Variants in TMCO6 observed in about 807,000 individuals in gnomAD.
TMCO6 encodes the protein transmembrane and coiled-coil domains 6.
TMCO6 carries 47 observed loss-of-function variants against 61.8 expected under a neutral mutation model. That is an observed-to-expected ratio of 0.76 (90% CI 0.60 to 0.97). The LOEUF is 0.97. TMCO6 is among the 50% of genes least tolerant of loss of function. The pLI, the probability that TMCO6 is intolerant of heterozygous loss-of-function variation, is 0.00. For synonymous variants in TMCO6, 261 were observed against 254.2 expected, an observed-to-expected ratio of 1.03 and a Z score of -0.25; for missense variants, 557 against 601.6, an observed-to-expected ratio of 0.93 and a Z score of 0.78.
chr5:140,627,486 T>G, the TMCO6 span, among the ~76,000 whole-genome samples: 1 of 152,344 alleles, frequency 6.6e-6, no homozygotes, highest in East Asian at 1.9e-4. Context: ...TTGAAGACAT[T>G]TTTATTTTAC....
the TMCO6 span, among the ~76,000 whole-genome samples, chr5:140,621,582 G>C: frequency 1.1e-3 from 164 of 152,206 alleles, 1 homozygote; most frequent in African/African-American, 3.9e-3. Context: ...ATGAAATCCG[G>C]GCACCTTGAA....
At chr5:140,601,913 A>G in the TMCO6 span, among the ~76,000 whole-genome samples, 6 of 152,226 alleles carry the variant, frequency 3.9e-5, no homozygotes, top group Non-Finnish European at 7.3e-5. Context: ...ATATTCATGA[A>G]TATTTTTAAG....
At position 140,639,494 on chromosome 5, in the gene TMCO6, CTG is replaced by C. The variant is rs1221659100; in HGVS notation, c.-32_-31del. Reference sequence around the variant, plus strand: ...TACGCCCCTGGGAGCGTTGTGGCTGCTGTTTCCTTCGGCTTTCCTCCTCCTGC... The same window carrying C: ...TACGCCCCTGGGAGCGTTGTGGCTGCTTTCCTTCGGCTTTCCTCCTCCTGC... On this transcript the variant is annotated 5_prime_UTR_variant, in exon 1 of 12. Transcript: ENST00000394671. The C allele has an allele frequency of 6.5e-7, 1 of 1,544,132 alleles. No individual in the cohort carries two copies. The highest frequency in any genetic ancestry group is 8.8e-7 in the Non-Finnish European group (1 of 1,142,206).
the TMCO6 span, chr5:140,632,525 C>T: frequency 6.2e-7 from 1 of 1,614,186 alleles, no homozygotes; most frequent in Non-Finnish European, 8.5e-7. This position sits in a 1 kb window ranked among gnomAD's most constrained non-coding sequence, Gnocchi z 6.2. Flanking sequence ...CTGTCGCCCA[C>T]GACACGTTGC....
the TMCO6 span, among the ~76,000 whole-genome samples, chr5:140,612,008 GT>G: frequency 1.3e-5 from 2 of 152,020 alleles, no homozygotes; most frequent in Admixed American, 6.6e-5. Flanking sequence ...GAGAGAGCAA[GT>G]TTTTTTTGAG....
At chr5:140,617,052 GAAA>G in the TMCO6 span, among the ~76,000 whole-genome samples, 3 of 135,466 alleles carry the variant, frequency 2.2e-5, no homozygotes, top group Non-Finnish European at 4.9e-5. Flanking sequence ...GGCAAAAAAA[GAAA>G]AAAAAAAAAG....
At chr5:140,644,526 A>T in intron 10 of TMCO6, 47 bp from the exon 11 acceptor site, 3 of 1,597,118 alleles carry the variant, frequency 1.9e-6, no homozygotes, top group Non-Finnish European at 2.6e-6. Flanking sequence ...TATTGTTATG[A>T]TCTTTGTGTT....
chr5:140,620,708 T>C, the TMCO6 span, among the ~76,000 whole-genome samples: 1 of 152,132 alleles, frequency 6.6e-6, no homozygotes, highest in African/African-American at 2.4e-5. Flanking sequence ...AAAGTCTTAA[T>C]GGGTGTATGT....
the TMCO6 span, among the ~76,000 whole-genome samples, chr5:140,610,691 C>A: frequency 6.6e-6 from 1 of 152,130 alleles, no homozygotes; most frequent in Admixed American, 6.6e-5. Flanking sequence ...CATTTTACTT[C>A]CTGCTTTTCA....
the TMCO6 span, among the ~76,000 whole-genome samples, chr5:140,625,792 T>C: frequency 0.28 from 42,668 of 152,066 alleles, 6,184 homozygotes; most frequent in African/African-American, 0.3. Flanking sequence ...GACCAGAACA[T>C]TCCAGGCAGA....
chr5:140,617,562 TAAATAC>T, the TMCO6 span, among the ~76,000 whole-genome samples: 4,247 of 150,580 alleles, frequency 0.028, 176 homozygotes, highest in African/African-American at 0.093. Flanking sequence ...AAAAACAAAA[TAAATAC>T]AAATACAAAT....
At chr5:140,642,257 C>T in intron 4 of TMCO6, 58 bp from the exon 5 acceptor site, 2 of 1,505,388 alleles carry the variant, frequency 1.3e-6, no homozygotes, top group Non-Finnish European at 1.8e-6. Flanking sequence ...CCCCATCTCC[C>T]CACACGCAGC....
At chr5:140,596,641 G>T in the TMCO6 span, among the ~76,000 whole-genome samples, 1 of 152,294 alleles carries the variant, frequency 6.6e-6, no homozygotes, top group East Asian at 1.9e-4. Context: ...GATAAGGAGC[G>T]ACTGGCTGGA....
chr5:140,639,795 G>T lies in TMCO6; in HGVS notation c.142G>T (p.Asp48Tyr). ...QLVSKRLLRN[D>Y]APEEAGEGCV... ...GGTCAGCAAGAGGCTGCTGAGAAAC[G>T]ACGCCCCAGAGGAAGCTGGAGAGGG... The change falls in exon 2 of 12, where the codon GAC (aspartate) becomes TAC (tyrosine). Residue 48 changes from aspartate (D) to tyrosine (Y), a missense_variant. By Grantham distance (160) the Asp-to-Tyr change is radical (BLOSUM62 -3). Coordinates refer to ENST00000394671, the MANE Select transcript of TMCO6 (RefSeq NM_018502.5). The T allele has an allele frequency of 1.2e-6, 2 of 1,609,826 alleles. No individual in the cohort carries two copies. The highest frequency in any genetic ancestry group is 2.2e-5 in the South Asian group (2 of 89,806).
the TMCO6 span, among the ~76,000 whole-genome samples, chr5:140,621,161 A>G: frequency 5.9e-5 from 9 of 152,126 alleles, no homozygotes; most frequent in African/African-American, 1.4e-4. Context: ...CAATTTCTTC[A>G]CTTGGCTTCC....
chr5:140,612,681 C>G, the TMCO6 span, among the ~76,000 whole-genome samples: 1 of 152,196 alleles, frequency 6.6e-6, no homozygotes, highest in East Asian at 1.9e-4. Flanking sequence ...GCCCTGCACC[C>G]CGACCTCCGA....
chr5:140,613,681 T>A, the TMCO6 span, among the ~76,000 whole-genome samples: 77,046 of 151,874 alleles, frequency 0.51, 19,852 homozygotes, highest in Non-Finnish European at 0.52. Flanking sequence ...ACTGTTTCTA[T>A]CTTCATACAA....
chr5:140,632,561 T>A, the TMCO6 span: 9 of 1,614,100 alleles, frequency 5.6e-6, no homozygotes, highest in Non-Finnish European at 6.8e-6. This position sits in a 1 kb window ranked among gnomAD's most constrained non-coding sequence, Gnocchi z 6.2. Flanking sequence ...AAAGTGCAAG[T>A]CCTGTGGCTT....
intron 7 of TMCO6, 126 bp downstream of exon 7, chr5:140,643,167 T>G: frequency 7.2e-7 from 1 of 1,387,830 alleles, no homozygotes; most frequent in South Asian, 1.4e-5. Context: ...CTTCTCTTTT[T>G]GGAGCCCAGG....
Sources: gnomAD v4.1 joint callset for allele counts (sites outside exome capture counted in the v4.1 genomes callset) on GRCh38, gnomAD v4.1.1 for gene constraint, Gnocchi (gnomAD v3.1) non-coding constraint, MANE v1.5 for transcripts, NCBI Gene and HGNC (gene_info 2026-07-23, HGNC 2026-07-21) for gene names.